The following F11 variants were observed in gnomAD, a reference collection of about 807,000 sequenced individuals.
F11 encodes coagulation factor XI.
Under a neutral mutation model 76.5 loss-of-function variants are expected in F11, and 78 were observed. The observed-to-expected ratio is 1.02, with a 90% CI of 0.85 to 1.23. F11 has a LOEUF of 1.23. Among genes scored for constraint, F11 ranks in the 50% most tolerant of loss-of-function variants. F11 has a pLI of 0.00. For synonymous variants in F11, 278 were observed against 276.3 expected, an observed-to-expected ratio of 1.01 and a Z score of -0.06; for missense variants, 742 against 771.4, an observed-to-expected ratio of 0.96 and a Z score of 0.45.
Position 186,271,781 on chromosome 4 carries a change from T to TA in F11, c.218+11dup. 1 of 1,614,118 alleles carries TA rather than the reference T, an allele frequency of 6.2e-7. No individual in the cohort carries two copies. Among genetic ancestry groups the TA allele is most frequent in the Non-Finnish European group, 8.5e-7 (1 of 1,179,946 alleles). ...AGGATCCCACCCGATGGTAAATGCT[T>TA]ATGTTTCTACATCGAGGAGACAGAT... is the stretch of plus-strand genomic sequence containing the variant. On this transcript the variant is annotated intron_variant, in intron 3 of 14. Coordinates refer to ENST00000403665, the MANE Select transcript of F11 (RefSeq NM_000128.4).
In F11 at chr4:186,288,771, T is replaced by C. The variant is rs1233459310; in HGVS notation, c.*157T>C. 2.4e-6 allele frequency: 2 copies of C among 817,514 alleles called. No individual in the cohort carries two copies. The highest frequency in any genetic ancestry group is 2.0e-6 in the Non-Finnish European group (1 of 497,188). The allele number at this position is 817,514 out of a possible 1,614,324, so 50.6% of individuals were successfully genotyped here. The stretch of plus-strand genomic sequence containing the variant: ...TAGAAGAAAACAAACTGTCACAAGT[T>C]GTTATGTCCAAAACTCCCGTTCTAT... On this transcript the variant is annotated 3_prime_UTR_variant, in exon 15 of 15. Coordinates refer to ENST00000403665, the MANE Select transcript of F11 (RefSeq NM_000128.4).
chr4:186,269,602 G>A (rs1739776243), intron 2 of F11, among the ~76,000 whole-genome samples: 1 of 152,168 alleles, frequency 6.6e-6, no homozygotes, highest in Non-Finnish European at 1.5e-5. Flanking sequence ...AGGGGCCAGG[G>A]GAAGGGCTGA....
chr4:186,274,370 T>C (rs1740215218), intron 5 of F11, 95 bp downstream of exon 5: 3 of 1,483,928 alleles, frequency 2.0e-6, no homozygotes, highest in African/African-American at 1.4e-5. Flanking sequence ...AGAATTTATT[T>C]TGAACCCCTA....
chr4:186,268,166 A>G (rs888198913), intron 2 of F11, among the ~76,000 whole-genome samples: 6 of 152,334 alleles, frequency 3.9e-5, no homozygotes, highest in Admixed American at 3.3e-4. Context: ...TGCACTCAAC[A>G]TGTGCAGAGT....
At position 186,280,541 on chromosome 4, in the gene F11, A is replaced by G. The variant is rs956934549; in HGVS notation, c.1096A>G (p.Ile366Val). The G allele has an allele frequency of 6.2e-7, 1 of 1,614,180 alleles. No homozygotes were observed. Residue 366 changes from isoleucine (I) to valine (V), a missense_variant, in exon 10 of 15, where the codon ATC becomes GTC. Ile to Val is a conservative substitution (Grantham distance 29). Coordinates refer to ENST00000403665, the MANE Select transcript of F11 (RefSeq NM_000128.4). ...TAAAATACTTCACGGGAGAGGAGGC[A>G]TCTCTGGATACACATTAAGGTTGTG... ...PTKILHGRGG[I>V]SGYTLRLCKM...
Position 186,276,457 on chromosome 4 carries a change from A to G in F11, c.755+67A>G, listed in dbSNP as rs1209609163. ...AATAGCTGATCAAAATCCATCATTA[A>G]AAATTCCAAGTAACTAAAAATTTAC... On this transcript the variant is annotated intron_variant, in intron 7 of 14. Transcript: ENST00000403665. The G allele has an allele frequency of 4.4e-6, 7 of 1,580,880 alleles. No individual in the cohort carries two copies. The East Asian group carries it at 1.6e-4, about 35-fold the overall frequency.
Position 186,288,630 on chromosome 4 carries a change from C to A in F11, c.*16C>A. 1 of 1,610,624 alleles carries A rather than the reference C, an allele frequency of 6.2e-7. No homozygotes were observed. Among genetic ancestry groups the A allele is most frequent in the Non-Finnish European group, 8.5e-7 (1 of 1,178,180 alleles). ...AGCAGTGTGAATGGGTTCCCAGGGG[C>A]CATTGGAGTCCCTGAAGGACCCAGG... On this transcript the variant is annotated 3_prime_UTR_variant, in exon 15 of 15. Transcript: ENST00000403665.
rs1252740349 is a variant in F11 at position 186,285,687 on chromosome 4, T to A, written c.1354T>A (p.Ser452Thr). ...LRVYSGILNQSEIKEDTSFFG... is the reference protein window; with the variant it reads ...LRVYSGILNQTEIKEDTSFFG... ...TGTCTACAGTGGCATTTTAAATCAATCTGAAATAAAAGAGGACACATCTTT... is the reference window on the plus strand; with the variant it reads ...TGTCTACAGTGGCATTTTAAATCAAACTGAAATAAAAGAGGACACATCTTT... Residue 452 changes from serine to threonine, a missense_variant, in exon 12 of 15, where the codon TCT becomes ACT. By Grantham distance (58) the Ser-to-Thr change is moderately conservative (BLOSUM62 1). Coordinates refer to ENST00000403665, the MANE Select transcript of F11 (RefSeq NM_000128.4). 6.2e-7 allele frequency: 1 copy of A among 1,614,142 alleles called. No homozygotes were observed. Among genetic ancestry groups the A allele is most frequent in the Non-Finnish European group, 8.5e-7 (1 of 1,180,022 alleles).
chr4:186,273,274 T>G, intron 4 of F11, 97 bp downstream of exon 4: 2 of 960,494 alleles, frequency 2.1e-6, no homozygotes, highest in Non-Finnish European at 3.4e-6. Flanking sequence ...AACACTGCTA[T>G]GTGGAAATAA....
rs1019434222 is a variant in F11 at position 186,289,438 on chromosome 4, A to G, written c.*824A>G. ...GGGCTCCCAAAGAGCTAGATCGTAT[A>G]TTTATTTGACAAAAATCACCATAGA... is the stretch of plus-strand genomic sequence containing the variant. On this transcript the variant is annotated 3_prime_UTR_variant, in exon 15 of 15. Coordinates refer to ENST00000403665, the MANE Select transcript of F11 (RefSeq NM_000128.4). Among the ~76,000 whole-genome samples the G allele has an allele frequency of 1.3e-5, 2 of 152,226 alleles. No homozygotes were observed. The highest frequency in any genetic ancestry group is 4.1e-4 in the South Asian group (2 of 4,830).
chr4:186,269,496 C>G (rs140059044), intron 2 of F11, among the ~76,000 whole-genome samples: 38 of 152,272 alleles, frequency 2.5e-4, no homozygotes, highest in African/African-American at 8.2e-4. Context: ...AAGCCAGTCA[C>G]AAAAGAACAA....
In F11 at chr4:186,280,545, C is replaced by T; in HGVS notation, c.1100C>T (p.Ser367Phe). The change falls in exon 10 of 15, where the codon TCT (serine) becomes TTT (phenylalanine). Residue 367 changes from serine (S) to phenylalanine (F), a missense_variant. Transcript: ENST00000403665. ...TKILHGRGGISGYTLRLCKMD... is the reference protein window; with the variant it reads ...TKILHGRGGIFGYTLRLCKMD... ...ATACTTCACGGGAGAGGAGGCATCT[C>T]TGGATACACATTAAGGTTGTGTAAA... The T allele has an allele frequency of 6.2e-7, 1 of 1,614,086 alleles. No homozygotes were observed. Among genetic ancestry groups the T allele is most frequent in the Non-Finnish European group, 8.5e-7 (1 of 1,179,974 alleles).
In F11 at chr4:186,288,521, GGGCGAA is replaced by G. The variant is rs1741383462; in HGVS notation, c.1789_1794del (p.Glu597_Gly598del). On this transcript the variant is annotated inframe_deletion, in exon 15 of 15. Transcript: ENST00000403665. Reference sequence around the variant, plus strand: ...GGCATCTGGTAGGCATCACGAGCTGGGGCGAAGGCTGTGCTCAAAGGGAGCGGCCAG... The same window carrying G: ...GGCATCTGGTAGGCATCACGAGCTGGGGCTGTGCTCAAAGGGAGCGGCCAG... 6.2e-7 allele frequency: 1 copy of G among 1,614,056 alleles called. No homozygotes were observed. The highest frequency in any genetic ancestry group is 1.3e-5 in the African/African-American group (1 of 74,918).
intron 10 of F11, chr4:186,282,715 G>A (rs1740890774): frequency 7.1e-6 from 7 of 985,174 alleles, no homozygotes; most frequent in African/African-American, 1.7e-5. Context: ...TTCCAGAATA[G>A]ATGGCCCTCC....
intron 10 of F11, chr4:186,282,889 C>A (rs770712791): frequency 4.4e-5 from 43 of 985,266 alleles, no homozygotes; most frequent in Non-Finnish European, 5.2e-5. Flanking sequence ...GAATTATACA[C>A]TCATTTTCCT....
intron 6 of F11, 37 bp from the exon 7 acceptor site, chr4:186,276,194 T>G (rs1192000829): frequency 1.2e-6 from 2 of 1,613,572 alleles, no homozygotes; most frequent in African/African-American, 2.7e-5. Flanking sequence ...TGATAGCTGG[T>G]GAATTGAGTC....
intron 7 of F11, among the ~76,000 whole-genome samples, chr4:186,276,825 G>A (rs1339015469): frequency 6.6e-6 from 1 of 151,958 alleles, no homozygotes; most frequent in Non-Finnish European, 1.5e-5. Flanking sequence ...CTGACTTCAG[G>A]TGATCCACCT....
chr4:186,284,632 TGTGTGTGTGC>T lies in F11; in HGVS notation c.1304+381_1304+390del, dbSNP rs1346701057. Among the ~76,000 whole-genome samples the T allele has an allele frequency of 2.8e-3, 419 of 152,098 alleles. 3 individuals carry two copies. The highest frequency in any genetic ancestry group is 9.7e-3 in the African/African-American group (403 of 41,490). On this transcript the variant is annotated intron_variant, in intron 11 of 14. Transcript: ENST00000403665. ...GAATCAAATTTCTAATATGTGTGTG[TGTGTGTGTGC>T]GTGTGTGTTTAAATACAGAAAGTGG...
chr4:186,274,129 C>T lies in F11; in HGVS notation c.339C>T (p.Asp113=), dbSNP rs771118219. 6.2e-7 allele frequency: 1 copy of T among 1,614,132 alleles called. No homozygotes were observed. The highest frequency in any genetic ancestry group is 8.5e-7 in the Non-Finnish European group (1 of 1,180,012). The change falls in exon 5 of 15, where the codon GAC becomes GAT. Residue 113 remains aspartate, a synonymous_variant. Coordinates refer to ENST00000403665, the MANE Select transcript of F11 (RefSeq NM_000128.4). The stretch of plus-strand genomic sequence containing the variant: ...TTTTATTTCCAGCTTGCAACAAAGA[C>T]ATTTATGTGGACCTAGACATGAAGG... The part of the protein sequence containing the change: ...CSHQISACNK[D]IYVDLDMKGI...
Sources: gnomAD v4.1 joint callset for allele counts (sites outside exome capture counted in the v4.1 genomes callset) on GRCh38, gnomAD v4.1.1 for gene constraint, MANE v1.5 for transcripts, NCBI Gene and HGNC (gene_info 2026-07-23, HGNC 2026-07-21) for gene names.